Variants in CYP2C19 observed in about 807,000 individuals in gnomAD.
The protein encoded by CYP2C19 is cytochrome P450 family 2 subfamily C member 19.
A neutral mutation model predicts 40.9 loss-of-function variants in CYP2C19; 59 were observed. The observed-to-expected ratio is 1.44, with a 90% CI of 1.17 to 1.79. CYP2C19 has a LOEUF of 1.79. Ranked by LOEUF, CYP2C19 falls within the 40% of genes most tolerant of loss-of-function variation. CYP2C19 has a pLI of 0.00. For synonymous variants in CYP2C19, 253 were observed against 208.7 expected (o/e 1.21, Z -1.83); for missense variants, 754 against 596.9 (o/e 1.26, Z -2.74).
At position 94,853,737 on chromosome 10, in the gene CYP2C19, A is replaced by T. The variant is rs770818009; in HGVS notation, c.*823A>T. Among the ~76,000 whole-genome samples the T allele has an allele frequency of 2.6e-5, 4 of 151,812 alleles. No individual in the cohort carries two copies. The highest frequency in any genetic ancestry group is 4.4e-5 in the Non-Finnish European group (3 of 67,938). ...ATTTTTTTGTATTTTTAGTACAGAC[A>T]GGGTTTCACCATGTTAGCCAGGATG... On this transcript the variant is annotated 3_prime_UTR_variant, in exon 9 of 9. Coordinates refer to ENST00000371321, the MANE Select transcript of CYP2C19 (RefSeq NM_000769.4).
intron 7 of CYP2C19, among the ~76,000 whole-genome samples, chr10:94,844,522 C>G (rs1849544150): frequency 6.6e-6 from 1 of 152,136 alleles, no homozygotes; most frequent in Non-Finnish European, 1.5e-5. Flanking sequence ...CCATCTCAAA[C>G]CTGCTCTTTT....
chr10:94,805,220 G>A (rs1398768410), intron 5 of CYP2C19, among the ~76,000 whole-genome samples: 2 of 151,998 alleles, frequency 1.3e-5, no homozygotes, highest in East Asian at 3.9e-4. Context: ...CTTTATTATG[G>A]TAAGGGAGTT....
intron 1 of CYP2C19, among the ~76,000 whole-genome samples, chr10:94,772,585 C>T (rs1848349072): frequency 6.6e-6 from 1 of 152,154 alleles, no homozygotes; most frequent in Non-Finnish European, 1.5e-5. Flanking sequence ...ACAGGGTCAA[C>T]CAACTTGTTG....
chr10:94,849,848 G>C (rs889627656), intron 7 of CYP2C19, 69 bp from the exon 8 acceptor site: 17 of 1,572,830 alleles, frequency 1.1e-5, no homozygotes, highest in Non-Finnish European at 1.4e-5. Flanking sequence ...TTAACTGCAT[G>C]ATTACCACTG....
intron 6 of CYP2C19, among the ~76,000 whole-genome samples, chr10:94,823,757 G>A (rs1370371616): frequency 1.3e-5 from 2 of 152,158 alleles, no homozygotes; most frequent in African/African-American, 4.8e-5. Context: ...TTGCACATTT[G>A]CCAAAATTTT....
chr10:94,778,271 C>A (rs550861245), intron 3 of CYP2C19, among the ~76,000 whole-genome samples: 8 of 152,290 alleles, frequency 5.3e-5, no homozygotes, highest in African/African-American at 1.9e-4. Flanking sequence ...AAGATGACTT[C>A]CCCTTCCCTC....
intron 6 of CYP2C19, among the ~76,000 whole-genome samples, chr10:94,827,977 A>C (rs1286916856): frequency 6.6e-6 from 1 of 151,638 alleles, no homozygotes; most frequent in East Asian, 1.9e-4. Context: ...AGCGGTTTTG[A>C]GTGAGTTTCT....
chr10:94,830,620 G>A (rs182258754), intron 6 of CYP2C19, among the ~76,000 whole-genome samples: 25 of 152,278 alleles, frequency 1.6e-4, no homozygotes, highest in East Asian at 1.4e-3. Flanking sequence ...CATCTTCTGC[G>A]TCACTCATGC....
At chr10:94,826,868 A>G (rs1369657541) in intron 6 of CYP2C19, among the ~76,000 whole-genome samples, 3 of 152,130 alleles carry the variant, frequency 2.0e-5, no homozygotes, top group African/African-American at 4.8e-5. Context: ...TTTAGCATGA[A>G]GGGCTGTTGA....
intron 1 of CYP2C19, among the ~76,000 whole-genome samples, chr10:94,768,811 C>T (rs1025265347): frequency 1.3e-5 from 2 of 152,060 alleles, no homozygotes; most frequent in East Asian, 1.9e-4. Flanking sequence ...CTCTCTGTGA[C>T]GTATAAAGAG....
At chr10:94,785,223 C>T (rs57584668) in intron 5 of CYP2C19, among the ~76,000 whole-genome samples, 11,797 of 151,978 alleles carry the variant, frequency 0.078, 532 homozygotes, top group South Asian at 0.12. Flanking sequence ...AATTTATGAA[C>T]CTATTGCCAA....
chr10:94,836,230 C>T (rs140742545), intron 6 of CYP2C19, among the ~76,000 whole-genome samples: 396 of 152,278 alleles, frequency 2.6e-3, no homozygotes, highest in African/African-American at 9.2e-3. Context: ...AGATCTCTTC[C>T]TTGTATTCTT....
intron 5 of CYP2C19, among the ~76,000 whole-genome samples, chr10:94,817,869 C>T (rs1403074831): frequency 2.0e-5 from 3 of 151,614 alleles, no homozygotes; most frequent in Non-Finnish European, 2.9e-5. Flanking sequence ...AAAAATTAGC[C>T]GGGCGTAGTG....
intron 5 of CYP2C19, among the ~76,000 whole-genome samples, chr10:94,792,378 G>A (rs1848616204): frequency 6.6e-6 from 1 of 151,776 alleles, no homozygotes; most frequent in African/African-American, 2.4e-5. Context: ...AATATTCTGT[G>A]AATTTGATCC....
intron 6 of CYP2C19, 58 bp downstream of exon 6, chr10:94,820,695 C>T: frequency 6.3e-7 from 1 of 1,599,154 alleles, no homozygotes; most frequent in East Asian, 2.2e-5. Flanking sequence ...GAAGGTGCTG[C>T]TAGTGTTCTC....
chr10:94,818,671 T>C (rs2134266550), intron 5 of CYP2C19, among the ~76,000 whole-genome samples: 1 of 149,622 alleles, frequency 6.7e-6, no homozygotes, highest in East Asian at 2.0e-4. Context: ...GGGAGTTCAC[T>C]CATGATTCGG....
chr10:94,823,310 G>A (rs1019241262), intron 6 of CYP2C19, among the ~76,000 whole-genome samples: 3 of 152,130 alleles, frequency 2.0e-5, no homozygotes, highest in Admixed American at 2.0e-4. Flanking sequence ...TTACTCTCTA[G>A]AGAAACTGAG....
intron 5 of CYP2C19, among the ~76,000 whole-genome samples, chr10:94,800,782 G>C (rs1215560780): frequency 6.6e-6 from 1 of 152,180 alleles, no homozygotes; most frequent in Non-Finnish European, 1.5e-5. Context: ...AGACTGCTGT[G>C]CTAGCAGTGA....
At position 94,767,914 on chromosome 10, in the gene CYP2C19, G is replaced by A. The variant is rs191696423; in HGVS notation, c.168+5041G>A. Among the ~76,000 whole-genome samples, 474 of 152,204 alleles carry A rather than the reference G, an allele frequency of 3.1e-3. 3 individuals carry two copies. The highest frequency in any genetic ancestry group is 0.011 in the African/African-American group (451 of 41,554). ...GTTCCATACCAAGTGTCCTTCCATA[G>A]GTATTTCTAATGGGAGGTTCCACCT... On this transcript the variant is annotated intron_variant, in intron 1 of 8. Transcript: ENST00000371321.
Sources: allele counts gnomAD v4.1 joint callset (sites outside exome capture counted in the v4.1 genomes callset), GRCh38; gene constraint gnomAD v4.1.1; transcripts MANE v1.5; gene names NCBI Gene and HGNC (gene_info 2026-07-23, HGNC 2026-07-21).